GSE1: variants seen among roughly 807,000 people sequenced by gnomAD.
The protein encoded by GSE1 is genetic suppressor element 1.
GSE1 carries 32 observed loss-of-function variants against 112.6 expected under a neutral mutation model. The ratio of observed to expected loss-of-function variants is 0.28; its 90% CI spans 0.21 to 0.38. The LOEUF (loss-of-function observed/expected upper bound fraction) is 0.38. Among genes scored for constraint, GSE1 ranks in the 10% least tolerant of loss-of-function variants. The pLI, the probability that GSE1 is intolerant of heterozygous loss-of-function variation, is 1.00. For missense variants in GSE1, 2,348 were observed against 1,699.2 expected, an observed-to-expected ratio of 1.38 and a Z score of -6.71; for synonymous variants, 1,115 against 735.6, an observed-to-expected ratio of 1.52 and a Z score of -8.35.
intron 1 of GSE1, among the ~76,000 whole-genome samples, chr16:85,628,214 A>C (rs2049244012): frequency 1.3e-5 from 2 of 152,248 alleles, no homozygotes; most frequent in Non-Finnish European, 2.9e-5. Context: ...AGCAGCGCTA[A>C]TTTTAGATTC....
At chr16:85,508,114 A>G (rs547125893) in intron 2 of GSE1, among the ~76,000 whole-genome samples, 1 of 152,210 alleles carries the variant, frequency 6.6e-6, no homozygotes, top group East Asian at 1.9e-4. Flanking sequence ...GGCTCACTGC[A>G]ATGTCCGTCC....
intron 2 of GSE1, among the ~76,000 whole-genome samples, chr16:85,480,081 C>G (rs529411862): frequency 1.4e-4 from 21 of 152,332 alleles, no homozygotes; most frequent in African/African-American, 4.8e-4. Flanking sequence ...GTTGAAATCA[C>G]TGACTCTCAC....
intron 1 of GSE1, among the ~76,000 whole-genome samples, chr16:85,276,427 C>G (rs1200935717): frequency 6.6e-6 from 1 of 152,204 alleles, no homozygotes. Context: ...TTTGTTCACC[C>G]AGCGGTTTTC....
At chr16:85,546,460 T>A (rs1311688687) in intron 2 of GSE1, among the ~76,000 whole-genome samples, 1 of 152,122 alleles carries the variant, frequency 6.6e-6, no homozygotes, top group Non-Finnish European at 1.5e-5. Context: ...ATATTAGAAG[T>A]TGTACAGTAG....
At chr16:85,246,468 G>C (rs1407351508) in intron 1 of GSE1, among the ~76,000 whole-genome samples, 3 of 41,218 alleles carry the variant, frequency 7.3e-5, no homozygotes, top group Non-Finnish European at 9.2e-5. Flanking sequence ...CACCCCACAC[G>C]CTGCACACAC....
chr16:85,627,935 G>T (rs905332195), intron 1 of GSE1, among the ~76,000 whole-genome samples: 1 of 152,200 alleles, frequency 6.6e-6, no homozygotes, highest in Admixed American at 6.5e-5. Context: ...ACACCTGCAC[G>T]GGAGGAGGCC....
At chr16:85,171,607 C>T (rs940261304) in exon 1 of GSE1, 35 of 985,490 alleles carry the variant, frequency 3.6e-5, no homozygotes, top group Non-Finnish European at 4.2e-5. Context: ...GAAACGGTGT[C>T]TGGGGCTGAA....
In GSE1 at chr16:85,672,228, C is replaced by T. The variant is rs1222656889; in HGVS notation, c.3520-177C>T. ...CAGGCTGGTCTCGAACTCCTGACGA[C>T]AGGTGATCTGCCCGCCTCGACCTCC... On this transcript the variant is annotated intron_variant, in intron 15 of 15. Transcript: ENST00000253458. 10 of 604,732 alleles carry T rather than the reference C, an allele frequency of 1.7e-5. 1 individual carries two copies. The highest frequency in any genetic ancestry group is 7.4e-5 in the African/African-American group (4 of 54,296). The allele number at this position is 604,732 out of a possible 1,614,324, so 37.5% of individuals were successfully genotyped here.
At chr16:85,331,025 A>T (rs186221344) in intron 1 of GSE1, among the ~76,000 whole-genome samples, 6 of 152,052 alleles carry the variant, frequency 3.9e-5, no homozygotes, top group Non-Finnish European at 5.9e-5. Flanking sequence ...ATACCCTGCT[A>T]TGTTGCTTTA....
chr16:85,396,417 T>C (rs2047966797), intron 2 of GSE1, among the ~76,000 whole-genome samples: 2 of 152,158 alleles, frequency 1.3e-5, no homozygotes, highest in Admixed American at 6.5e-5. Context: ...CAAAAACACC[T>C]CTGATTAGTT....
At chr16:85,640,887 C>T (rs536126328) in intron 2 of GSE1, among the ~76,000 whole-genome samples, 12 of 152,356 alleles carry the variant, frequency 7.9e-5, no homozygotes, top group African/African-American at 2.6e-4. Flanking sequence ...GGTGCCTCTC[C>T]GTTCTCCTGG....
chr16:85,566,702 C>A (rs1365083577), intron 1 of GSE1, among the ~76,000 whole-genome samples: 1 of 152,336 alleles, frequency 6.6e-6, no homozygotes, highest in East Asian at 1.9e-4. Context: ...CATTCTTGTC[C>A]TGTAATTCAT....
chr16:85,316,358 C>T (rs1369568268), intron 1 of GSE1, among the ~76,000 whole-genome samples: 2 of 152,212 alleles, frequency 1.3e-5, no homozygotes, highest in Non-Finnish European at 2.9e-5. Flanking sequence ...TCCGGTGTGT[C>T]TGCTTATAGC....
At chr16:85,236,005 A>AGGCTGGGGCTGCGGCTGG (rs1904613867) in intron 1 of GSE1, among the ~76,000 whole-genome samples, 1 of 146,472 alleles carries the variant, frequency 6.8e-6, no homozygotes, top group African/African-American at 2.6e-5. Context: ...CCTGGGGCTG[A>AGGCTGGGGCTGCGGCTGG]GGCTGGGCCT....
intron 2 of GSE1, among the ~76,000 whole-genome samples, chr16:85,637,147 G>A (rs1033329308): frequency 2.0e-5 from 3 of 152,238 alleles, no homozygotes; most frequent in Non-Finnish European, 2.9e-5. Flanking sequence ...ACCCCTAAGA[G>A]AACCTCGGTT....
chr16:85,208,097 G>A (rs2143626881), intron 1 of GSE1, among the ~76,000 whole-genome samples: 1 of 152,262 alleles, frequency 6.6e-6, no homozygotes, highest in East Asian at 1.9e-4. Context: ...AGCATTAGGA[G>A]GGAGTCAGGA....
chr16:85,642,824 C>G (rs1454209192), intron 2 of GSE1, among the ~76,000 whole-genome samples: 1 of 152,178 alleles, frequency 6.6e-6, no homozygotes, highest in East Asian at 1.9e-4. Flanking sequence ...GAGTCTTTAC[C>G]TCTCCGGGTG....
intron 2 of GSE1, among the ~76,000 whole-genome samples, chr16:85,375,213 A>G (rs1043700598): frequency 2.6e-5 from 4 of 152,044 alleles, no homozygotes; most frequent in Admixed American, 2.0e-4. Context: ...CACTCTTGTC[A>G]TTACTAATCC....
intron 1 of GSE1, among the ~76,000 whole-genome samples, chr16:85,565,218 C>T (rs549225515): frequency 4.6e-5 from 7 of 151,944 alleles, no homozygotes; most frequent in African/African-American, 1.2e-4. Flanking sequence ...GATGAAACCC[C>T]GTCTCTACTA....
Sources: allele counts gnomAD v4.1 joint callset (sites outside exome capture counted in the v4.1 genomes callset), GRCh38; gene constraint gnomAD v4.1.1; transcripts MANE v1.5; gene names NCBI Gene and HGNC (gene_info 2026-07-23, HGNC 2026-07-21).